The following PROS1 variants were observed in gnomAD, a reference collection of about 807,000 sequenced individuals.
The protein encoded by PROS1 is protein S.
A neutral mutation model predicts 75.9 loss-of-function variants in PROS1; 29 were observed. The ratio of observed to expected loss-of-function variants is 0.38; its 90% CI spans 0.28 to 0.52. The LOEUF (loss-of-function observed/expected upper bound fraction) is 0.52, where lower values mean the gene tolerates loss of function less well. Ranked by LOEUF, PROS1 falls within the 20% of genes least tolerant of loss-of-function variation. The pLI is 0.83. For synonymous variants in PROS1, 245 were observed against 280.6 expected, an observed-to-expected ratio of 0.87 and a Z score of 1.27; for missense variants, 680 against 810.3, an observed-to-expected ratio of 0.84 and a Z score of 1.95.
chr3:93,910,585 T>G, intron 4 of PROS1, 34 bp downstream of exon 4: 1 of 1,556,568 alleles, frequency 6.4e-7, no homozygotes. Flanking sequence ...AGAGTTTTTG[T>G]TTTGTTTTTT....
rs768490238 is a variant in PROS1 at position 93,874,200 on chromosome 3, T to C, written c.*45A>G. 7 of 1,603,566 alleles carry C rather than the reference T, an allele frequency of 4.4e-6. No homozygotes were observed. The highest frequency in any genetic ancestry group is 1.7e-5 in the Admixed American group (1 of 59,952). ...TTCAGCTGTTATTGAAACATAAGTA[T>C]AATTACACACAAGGAAAAGGTATTA... On this transcript the variant is annotated 3_prime_UTR_variant, in exon 15 of 15. Transcript: ENST00000394236.
intron 1 of PROS1, among the ~76,000 whole-genome samples, chr3:93,950,618 G>C (rs1047718887): frequency 1.3e-5 from 2 of 152,188 alleles, no homozygotes; most frequent in Non-Finnish European, 2.9e-5. Flanking sequence ...TGCAGCTGAG[G>C]TTCCTGACTG....
At chr3:93,919,753 T>A (rs1708917539) in intron 3 of PROS1, among the ~76,000 whole-genome samples, 1 of 152,200 alleles carries the variant, frequency 6.6e-6, no homozygotes, top group Non-Finnish European at 1.5e-5. Context: ...CATCTAGAAT[T>A]CACCTTTACA....
intron 3 of PROS1, 97 bp downstream of exon 3, chr3:93,924,143 T>G: frequency 2.5e-6 from 2 of 795,000 alleles, no homozygotes; most frequent in Non-Finnish European, 1.7e-6. Flanking sequence ...ATAATGAAAT[T>G]ACATTGGATG....
intron 8 of PROS1, among the ~76,000 whole-genome samples, chr3:93,897,931 A>G (rs747495818): frequency 1.3e-5 from 2 of 152,092 alleles, no homozygotes; most frequent in African/African-American, 4.8e-5. Context: ...CTGAATTATG[A>G]TATACTTAAA....
chr3:93,932,976 C>T (rs1240787954), intron 1 of PROS1, among the ~76,000 whole-genome samples: 2 of 152,168 alleles, frequency 1.3e-5, no homozygotes, highest in Non-Finnish European at 2.9e-5. Context: ...AAAGATGGTT[C>T]TCACATTCTT....
At chr3:93,883,815 T>G (rs1012125981) in intron 12 of PROS1, among the ~76,000 whole-genome samples, 6 of 151,940 alleles carry the variant, frequency 3.9e-5, no homozygotes, top group African/African-American at 1.5e-4. Context: ...CCGGGCGTGG[T>G]GGCGGGCGCC....
chr3:93,906,510 T>TG (rs111841477), intron 4 of PROS1, among the ~76,000 whole-genome samples: 3 of 152,156 alleles, frequency 2.0e-5, no homozygotes, highest in African/African-American at 7.2e-5. Flanking sequence ...TCTGTGCTCT[T>TG]GGGGGCCTGC....
At chr3:93,962,552 T>C (rs1039576657) in intron 1 of PROS1, among the ~76,000 whole-genome samples, 1 of 152,204 alleles carries the variant, frequency 6.6e-6, no homozygotes, top group African/African-American at 2.4e-5. Context: ...CAAAAACCTT[T>C]AGTGATTATT....
At chr3:93,894,758 C>G (rs574830069) in intron 9 of PROS1, among the ~76,000 whole-genome samples, 1 of 152,062 alleles carries the variant, frequency 6.6e-6, no homozygotes, top group Non-Finnish European at 1.5e-5. Flanking sequence ...TAAATAAAAG[C>G]ACTAGCTATT....
At chr3:93,951,157 T>A (rs748371524) in intron 1 of PROS1, among the ~76,000 whole-genome samples, 2 of 152,146 alleles carry the variant, frequency 1.3e-5, no homozygotes, top group Non-Finnish European at 2.9e-5. Context: ...TGCAACCAAG[T>A]GGGAAAACAT....
At chr3:93,964,402 T>C (rs546917386) in intron 1 of PROS1, among the ~76,000 whole-genome samples, 113 of 152,212 alleles carry the variant, frequency 7.4e-4, no homozygotes, top group African/African-American at 2.7e-3. Context: ...GGGCCGCTTA[T>C]AAACGGCCAC....
chr3:93,945,524 T>G (rs1709375528), intron 1 of PROS1, among the ~76,000 whole-genome samples: 1 of 152,192 alleles, frequency 6.6e-6, no homozygotes, highest in South Asian at 2.1e-4. Context: ...TCAATAAATC[T>G]AATCCATCAT....
chr3:93,948,081 C>G (rs534636173), intron 1 of PROS1, among the ~76,000 whole-genome samples: 1 of 152,020 alleles, frequency 6.6e-6, no homozygotes, highest in Non-Finnish European at 1.5e-5. Context: ...CCTAGTTTAC[C>G]CAGCTTACTT....
chr3:93,877,226 G>A (rs377136155), intron 13 of PROS1, 35 bp from the exon 14 acceptor site: 5 of 1,476,588 alleles, frequency 3.4e-6, no homozygotes, highest in Non-Finnish European at 4.7e-6. Flanking sequence ...TATAAGCAAG[G>A]AGTAAGAGTA....
intron 1 of PROS1, among the ~76,000 whole-genome samples, chr3:93,966,548 A>C: frequency 6.6e-6 from 1 of 152,192 alleles, no homozygotes; most frequent in East Asian, 1.9e-4. Flanking sequence ...GGTTAAAGAC[A>C]ATGGGAGATG....
chr3:93,873,105 T>A lies in PROS1; in HGVS notation c.*1140A>T, dbSNP rs1286416208. The A allele has an allele frequency of 2.6e-5, 4 of 152,230 alleles. No individual in the cohort carries two copies. The highest frequency in any genetic ancestry group is 5.9e-5 in the Non-Finnish European group (4 of 68,040). 9.4% of individuals were successfully genotyped at this position (152,230 alleles called of 1,614,324 possible). ...AGTTGATATAATAAAGATATTCACA[T>A]GCATTTTAAAATTATACACCGATTT... is the stretch of plus-strand genomic sequence containing the variant. On this transcript the variant is annotated 3_prime_UTR_variant, in exon 15 of 15. Transcript: ENST00000394236.
chr3:93,954,067 T>G (rs1709557367), intron 1 of PROS1, among the ~76,000 whole-genome samples: 1 of 151,966 alleles, frequency 6.6e-6, no homozygotes, highest in South Asian at 2.1e-4. Flanking sequence ...CTCAACGAAA[T>G]AAAAGAGGAC....
intron 1 of PROS1, among the ~76,000 whole-genome samples, chr3:93,963,665 C>G (rs1474543556): frequency 6.6e-6 from 1 of 151,704 alleles, no homozygotes; most frequent in Non-Finnish European, 1.5e-5. Context: ...AAAAGGGGAG[C>G]AGTGGATCAC....
Sources: gnomAD v4.1 joint callset for allele counts (sites outside exome capture counted in the v4.1 genomes callset) on GRCh38, gnomAD v4.1.1 for gene constraint, MANE v1.5 for transcripts, NCBI Gene and HGNC (gene_info 2026-07-23, HGNC 2026-07-21) for gene names.